TPRKB: variants seen among roughly 807,000 people sequenced by gnomAD.
TPRKB encodes EKC/KEOPS complex subunit TPRKB.
A neutral mutation model predicts 17.8 loss-of-function variants in TPRKB; 11 were observed. That is an observed-to-expected ratio of 0.62 (90% confidence interval 0.39 to 1.02). TPRKB has a LOEUF of 1.02. TPRKB is among the 50% of genes least tolerant of loss of function. TPRKB has a pLI of 0.00. For synonymous variants in TPRKB, 71 were observed against 69.5 expected (o/e 1.02, Z -0.11); for missense variants, 228 against 198.0 (o/e 1.15, Z -0.91).
At position 73,730,685 on chromosome 2, in the gene TPRKB, G is replaced by T; in HGVS notation, c.316C>A (p.Leu106Ile). Residue 106 changes from leucine to isoleucine, a missense_variant, in exon 4 of 5, where the codon CTA becomes ATA. Transcript: ENST00000272424. ...FGISANDTSI[L>I]IVYIEEGEKQ... ...TCTCCCTCTTCAATGTAAACAATTA[G>T]AATTGAAGTGTCATTTGCTGAGATA... 1 of 1,555,836 alleles carries T rather than the reference G, an allele frequency of 6.4e-7. No homozygotes were observed.
Sources: gnomAD v4.1 joint callset for allele counts on GRCh38, gnomAD v4.1.1 for gene constraint, MANE v1.5 for transcripts, NCBI Gene and HGNC (gene_info 2026-07-23, HGNC 2026-07-21) for gene names.